Variants in DNAH2 observed in about 807,000 individuals in gnomAD.
The protein encoded by DNAH2 is axonemal beta dynein heavy chain 2.
A neutral mutation model predicts 523.5 loss-of-function variants in DNAH2; 323 were observed. That is an observed-to-expected ratio of 0.62 (90% confidence interval 0.56 to 0.68). The LOEUF is 0.68. Among genes scored for constraint, DNAH2 ranks in the 30% least tolerant of loss-of-function variants. DNAH2 has a pLI of 0.00. For synonymous variants in DNAH2, 2,093 were observed against 2,177.4 expected (o/e 0.96, Z 1.08); for missense variants, 4,907 against 5,701.5 (o/e 0.86, Z 4.49).
intron 2 of DNAH2, among the ~76,000 whole-genome samples, chr17:7,720,137 C>A (rs1356300266): frequency 6.6e-6 from 1 of 152,200 alleles, no homozygotes; most frequent in African/African-American, 2.4e-5. Flanking sequence ...CCACAATATA[C>A]CAGGAGTTCA....
intron 10 of DNAH2, 124 bp from the exon 11 acceptor site, chr17:7,740,686 C>T (rs929818547): frequency 1.3e-6 from 2 of 1,530,480 alleles, no homozygotes; most frequent in African/African-American, 2.7e-5. Flanking sequence ...TTCTTCTGTT[C>T]CCTGGCTTCG....
chr17:7,796,498 T>A lies in DNAH2; in HGVS notation c.7709T>A (p.Ile2570Asn). Residue 2570 changes from isoleucine to asparagine, a missense_variant, in exon 50 of 86, where the codon ATC (isoleucine) becomes AAC (asparagine). Ile to Asn is a moderately radical substitution (Grantham distance 149, BLOSUM62 -3). This residue lies in a region of DNAH2 where 250 missense variants were observed against 371.3 expected (regional missense o/e 0.67). Transcript: ENST00000572933. ...ATCATCCGCATATTCGGCACCATGA[T>A]CAATCAGAAGCTTCAGGACTTTGAG... is the stretch of plus-strand genomic sequence containing the variant. The part of the protein sequence containing the change: ...SQIIRIFGTM[I>N]NQKLQDFEEE... 6.2e-7 allele frequency: 1 copy of A among 1,613,824 alleles called. No homozygotes were observed. The highest frequency in any genetic ancestry group is 1.1e-5 in the South Asian group (1 of 91,062).
At chr17:7,792,131 A>G (rs1379923179) in intron 45 of DNAH2, 62 bp downstream of exon 45, 47 of 1,604,716 alleles carry the variant, frequency 2.9e-5, no homozygotes, top group South Asian at 2.9e-4. Context: ...GGCATCCCCC[A>G]TCTCAGGCTC....
Position 7,737,814 on chromosome 17 carries a change from GCCAGGGGTGGAGAA to G in DNAH2, c.1170+567_1170+580del, listed in dbSNP as rs1202430176. On this transcript the variant is annotated intron_variant, in intron 8 of 85. Coordinates refer to ENST00000572933, the MANE Select transcript of DNAH2 (RefSeq NM_020877.5). ...CATGGAACCCAGAGGTGTCGGCCTG[GCCAGGGGTGGAGAA>G]CCAGGGGTGGGATGAGTTTCAGGAG... The G allele has an allele frequency of 2.2e-5, 14 of 632,862 alleles. No homozygotes were observed. The East Asian group carries it at 3.3e-4, about 15-fold the overall frequency. The allele number at this position is 632,862 out of a possible 1,614,324, so 39.2% of individuals were successfully genotyped here.
chr17:7,803,366 G>T (rs925777883), intron 58 of DNAH2, among the ~76,000 whole-genome samples: 3 of 152,222 alleles, frequency 2.0e-5, no homozygotes, highest in Non-Finnish European at 4.4e-5. Flanking sequence ...TATTGCAAAG[G>T]ATATTTTAAA....
rs775730744 is a variant in DNAH2, at chr17:7,727,163, G to A, written c.270G>A (p.Ala90=). The part of the protein sequence containing the change: ...FLSRAALTGL[A]DAVWTQEHDA... ...CCCGAGCTGCGCTGACAGGACTGGC[G>A]GATGCAGTGTGGACACAGGAGCATG... The change falls in exon 4 of 86, where the codon GCG becomes GCA. Residue 90 remains alanine, a synonymous_variant. Coordinates refer to ENST00000572933, the MANE Select transcript of DNAH2 (RefSeq NM_020877.5). 9.4e-6 allele frequency: 15 copies of A among 1,599,478 alleles called. No individual in the cohort carries two copies. The highest frequency in any genetic ancestry group is 4.5e-5 in the East Asian group (2 of 44,110).
At position 7,778,120 on chromosome 17, in the gene DNAH2, A is replaced by G; in HGVS notation, c.5291A>G (p.Gln1764Arg). The change falls in exon 34 of 86, where the codon CAG becomes CGG. Residue 1764 changes from glutamine (Q) to arginine (R), a missense_variant. Physicochemically the swap from Gln to Arg is conservative, Grantham distance 43. This residue lies in a region of DNAH2 where 2,806 missense variants were observed against 3,190.8 expected (regional missense o/e 0.88). Transcript: ENST00000572933. The part of the protein sequence containing the change: ...CVIRQTNTQF[Q>R]YNYEYLGNSG... The stretch of plus-strand genomic sequence containing the variant: ...ATCCGCCAGACCAACACGCAATTTC[A>G]GTATAATTATGAGTACTTGGGTAAC... 2 of 1,614,114 alleles carry G rather than the reference A, an allele frequency of 1.2e-6. No homozygotes were observed. The highest frequency in any genetic ancestry group is 1.3e-5 in the African/African-American group (1 of 75,016).
chr17:7,787,794 G>GTT, intron 42 of DNAH2, 66 bp from the exon 43 acceptor site: 3 of 1,500,836 alleles, frequency 2.0e-6, no homozygotes, highest in Non-Finnish European at 2.7e-6. Flanking sequence ...AGTTCCGGGT[G>GTT]TTTTATTATT....
At chr17:7,826,829 C>T (rs994933090) in intron 77 of DNAH2, among the ~76,000 whole-genome samples, 4 of 151,974 alleles carry the variant, frequency 2.6e-5, no homozygotes, top group East Asian at 1.9e-4. Flanking sequence ...CATGAGTCAC[C>T]GCACCCGGCC....
intron 28 of DNAH2, among the ~76,000 whole-genome samples, chr17:7,773,714 A>G (rs2076378182): frequency 6.6e-6 from 1 of 152,062 alleles, no homozygotes; most frequent in Non-Finnish European, 1.5e-5. Flanking sequence ...CACAGATAGA[A>G]GATTCATATT....
At chr17:7,736,913 C>T (rs151063284) in intron 7 of DNAH2, among the ~76,000 whole-genome samples, 154 bp from the exon 8 acceptor site, 1,651 of 152,256 alleles carry the variant, frequency 0.011, 16 homozygotes, top group Non-Finnish European at 0.016. Context: ...ACCTGGCAGG[C>T]GGAGGTTGCA....
chr17:7,724,742 C>CTTTT (rs57294591), intron 3 of DNAH2, among the ~76,000 whole-genome samples: 1,759 of 130,408 alleles, frequency 0.013, 132 homozygotes, highest in South Asian at 0.11. Context: ...TCATATGTTA[C>CTTTT]TTTTTTTTTT....
intron 4 of DNAH2, among the ~76,000 whole-genome samples, chr17:7,732,052 C>T (rs1351222946): frequency 1.4e-5 from 2 of 147,060 alleles, no homozygotes; most frequent in Admixed American, 1.4e-4. Context: ...AAAAAGGACA[C>T]AAAATGCCAA....
chr17:7,777,945 A>G (rs2076500745), intron 33 of DNAH2, 132 bp from the exon 34 acceptor site: 2 of 865,162 alleles, frequency 2.3e-6, no homozygotes, highest in Admixed American at 5.2e-5. Context: ...CCCCTTTTCA[A>G]CTCTAAAAGG....
intron 63 of DNAH2, among the ~76,000 whole-genome samples, chr17:7,815,561 TACAC>T: frequency 7.2e-6 from 1 of 139,824 alleles, no homozygotes; most frequent in East Asian, 2.1e-4. Context: ...TACAGGATCA[TACAC>T]ACATATACAG....
At chr17:7,775,381 T>C (rs1365829842) in intron 30 of DNAH2, 39 bp downstream of exon 30, 2 of 1,573,144 alleles carry the variant, frequency 1.3e-6, no homozygotes, top group Non-Finnish European at 1.7e-6. Context: ...AGCTGATTCT[T>C]CTTCCTACAG....
chr17:7,792,457 C>T, intron 46 of DNAH2, 114 bp downstream of exon 46: 1 of 1,187,532 alleles, frequency 8.4e-7, no homozygotes, highest in South Asian at 1.3e-5. Context: ...AAGGTGGGTC[C>T]CAGAGAAGGG....
intron 50 of DNAH2, among the ~76,000 whole-genome samples, chr17:7,796,956 G>A (rs1311586017): frequency 7.7e-6 from 1 of 130,064 alleles, no homozygotes; most frequent in Non-Finnish European, 1.7e-5. Context: ...AAAAAAATTA[G>A]CTGGGCATGG....
At chr17:7,803,369 A>G (rs1317887623) in intron 58 of DNAH2, among the ~76,000 whole-genome samples, 1 of 152,174 alleles carries the variant, frequency 6.6e-6, no homozygotes, top group East Asian at 1.9e-4. Context: ...TGCAAAGGAT[A>G]TTTTAAAAGA....
Sources: gnomAD v4.1 joint callset for allele counts (sites outside exome capture counted in the v4.1 genomes callset) on GRCh38, gnomAD v4.1.1 for gene constraint, gnomAD v4.1.1 regional missense constraint, MANE v1.5 for transcripts, NCBI Gene and HGNC (gene_info 2026-07-23, HGNC 2026-07-21) for gene names.